The following MDGA2 variants were observed in gnomAD, a reference collection of about 807,000 sequenced individuals.
MDGA2 encodes the protein MAM domain-containing glycosylphosphatidylinositol anchor protein 2.
Under a neutral mutation model 117.8 loss-of-function variants are expected in MDGA2, and 40 were observed. The observed-to-expected ratio is 0.34, with a 90% CI of 0.26 to 0.44. The LOEUF (loss-of-function observed/expected upper bound fraction) is 0.44. Among genes scored for constraint, MDGA2 ranks in the 20% least tolerant of loss-of-function variants. The pLI is 1.00. For missense variants in MDGA2, 1,123 were observed against 1,250.6 expected, an observed-to-expected ratio of 0.90 and a Z score of 1.54; for synonymous variants, 452 against 439.0, an observed-to-expected ratio of 1.03 and a Z score of -0.37.
At chr14:46,931,433 G>C (rs1305658076) in intron 9 of MDGA2, among the ~76,000 whole-genome samples, 4 of 151,376 alleles carry the variant, frequency 2.6e-5, no homozygotes, top group African/African-American at 7.3e-5. Context: ...ACGTTTTTCA[G>C]TAGAACTTTG....
chr14:46,989,163 C>T (rs1215125268), intron 8 of MDGA2, among the ~76,000 whole-genome samples: 1 of 152,018 alleles, frequency 6.6e-6, no homozygotes, highest in Non-Finnish European at 1.5e-5. Flanking sequence ...AGTTCTAATA[C>T]CATTTCAAAC....
Position 46,841,092 on chromosome 14 carries a change from C to G in MDGA2, c.*839G>C, listed in dbSNP as rs903606654. 2.2e-4 allele frequency: 34 copies of G among 152,536 alleles called. 1 individual carries two copies. Among genetic ancestry groups the G allele is most frequent in the African/African-American group, 2.4e-5 (1 of 41,424 alleles). 9.4% of individuals were successfully genotyped at this position (152,536 alleles called of 1,614,324 possible). A position where few individuals can be genotyped will look rare whatever the true frequency, so the allele number is the denominator to read the frequency against. On this transcript the variant is annotated 3_prime_UTR_variant, in exon 17 of 17. Transcript: ENST00000399232. ...GCAAGCTTCTGAGTTGAAAATTATTCAGGCTTGTTTCATTGAAGGCACTTG... is the reference window on the plus strand; with the variant it reads ...GCAAGCTTCTGAGTTGAAAATTATTGAGGCTTGTTTCATTGAAGGCACTTG...
rs534559852 is a variant in MDGA2 at position 47,104,021 on chromosome 14, C to T, written c.926-6898G>A. 7.5e-4 allele frequency among the ~76,000 whole-genome samples: 114 copies of T among 152,302 alleles called. 3 individuals are homozygous for T. The South Asian group carries it at 0.023, about 31-fold the overall frequency. On this transcript the variant is annotated intron_variant, in intron 5 of 16. Transcript: ENST00000399232. ...GCACACTCTGCATGACTCTCCTTGT[C>T]TTAACTGACTTTGTATGTTTACTTC...
chr14:47,044,120 C>T (rs931389841), intron 7 of MDGA2, among the ~76,000 whole-genome samples: 1 of 151,394 alleles, frequency 6.6e-6, no homozygotes, highest in Non-Finnish European at 1.5e-5. Flanking sequence ...ATTGATAGAG[C>T]ACAAATCAAG....
At chr14:47,611,497 C>CA (rs527525594) in intron 1 of MDGA2, among the ~76,000 whole-genome samples, 3 of 151,396 alleles carry the variant, frequency 2.0e-5, no homozygotes, top group African/African-American at 4.8e-5. Flanking sequence ...ACAACAAACT[C>CA]AAAAAAAATC....
intron 6 of MDGA2, among the ~76,000 whole-genome samples, chr14:47,080,145 C>G (rs534842042): frequency 2.8e-4 from 42 of 152,202 alleles, no homozygotes; most frequent in African/African-American, 9.1e-4. Flanking sequence ...TACTGAATGC[C>G]AATTACATAA....
chr14:46,925,631 C>CA (rs34889177), intron 9 of MDGA2, among the ~76,000 whole-genome samples: 685 of 64,324 alleles, frequency 0.011, 18 homozygotes, highest in East Asian at 0.098. Context: ...GACTCTACCT[C>CA]AAAAAAAAAA....
At chr14:47,294,580 T>A in intron 2 of MDGA2, among the ~76,000 whole-genome samples, 1 of 152,116 alleles carries the variant, frequency 6.6e-6, no homozygotes, top group Middle Eastern at 3.4e-3. Flanking sequence ...TATATTAATT[T>A]TATAAAACAC....
chr14:47,422,546 T>C (rs1435194005), intron 1 of MDGA2, among the ~76,000 whole-genome samples: 1 of 152,212 alleles, frequency 6.6e-6, no homozygotes, highest in Non-Finnish European at 1.5e-5. Context: ...ATTAAAGGTA[T>C]ATTTACATTG....
intron 9 of MDGA2, among the ~76,000 whole-genome samples, chr14:46,951,260 C>A (rs994266353): frequency 2.6e-5 from 4 of 151,916 alleles, no homozygotes; most frequent in African/African-American, 9.7e-5. Context: ...TCAATAGATA[C>A]AGCAGTTTCA....
At chr14:47,213,879 T>C (rs1248677464) in intron 3 of MDGA2, among the ~76,000 whole-genome samples, 1 of 152,138 alleles carries the variant, frequency 6.6e-6, no homozygotes, top group Non-Finnish European at 1.5e-5. Context: ...CTCAGTAAAC[T>C]TACAATCACA....
intron 1 of MDGA2, among the ~76,000 whole-genome samples, chr14:47,498,409 T>G (rs1356576127): frequency 1.3e-5 from 2 of 152,252 alleles, no homozygotes; most frequent in South Asian, 2.1e-4. Flanking sequence ...TTTTTTTTCA[T>G]GAAGCTGTTA....
chr14:47,641,957 A>G (rs2138247860), intron 1 of MDGA2, among the ~76,000 whole-genome samples: 1 of 152,216 alleles, frequency 6.6e-6, no homozygotes, highest in East Asian at 1.9e-4. Flanking sequence ...TACAATCTGC[A>G]GATGAAAATA....
chr14:47,427,168 A>G (rs952340925), intron 1 of MDGA2, among the ~76,000 whole-genome samples: 1 of 152,206 alleles, frequency 6.6e-6, no homozygotes, highest in Non-Finnish European at 1.5e-5. Flanking sequence ...AAAATGGCAT[A>G]CAAGGCCATT....
intron 1 of MDGA2, among the ~76,000 whole-genome samples, chr14:47,599,411 C>G (rs1178095167): frequency 6.6e-6 from 1 of 151,820 alleles, no homozygotes; most frequent in Non-Finnish European, 1.5e-5. Flanking sequence ...ATATGGAACT[C>G]AAAGCACTTA....
chr14:47,092,060 A>G (rs1879689015), intron 6 of MDGA2, among the ~76,000 whole-genome samples: 1 of 152,186 alleles, frequency 6.6e-6, no homozygotes, highest in African/African-American at 2.4e-5. Context: ...AGGCTACTTT[A>G]TCTAATATAG....
intron 1 of MDGA2, among the ~76,000 whole-genome samples, chr14:47,421,718 C>T (rs575011934): frequency 6.6e-6 from 1 of 151,946 alleles, no homozygotes; most frequent in African/African-American, 2.4e-5. Context: ...TTAAAAGAAA[C>T]CTCTCATGAA....
At chr14:47,037,344 A>G (rs975986794) in intron 7 of MDGA2, among the ~76,000 whole-genome samples, 3 of 152,254 alleles carry the variant, frequency 2.0e-5, no homozygotes, top group East Asian at 3.8e-4. Context: ...AGAATAACAG[A>G]TAATAAATAC....
At chr14:47,582,972 C>T (rs1896256927) in intron 1 of MDGA2, among the ~76,000 whole-genome samples, 2 of 151,848 alleles carry the variant, frequency 1.3e-5, no homozygotes, top group South Asian at 4.1e-4. Context: ...ACAGCACTCT[C>T]TTTGATGGGT....
Sources: gnomAD v4.1 joint callset for allele counts (sites outside exome capture counted in the v4.1 genomes callset) on GRCh38, gnomAD v4.1.1 for gene constraint, MANE v1.5 for transcripts, NCBI Gene and HGNC (gene_info 2026-07-23, HGNC 2026-07-21) for gene names.